Variants in PGBD5 observed in about 807,000 individuals in gnomAD.
The protein encoded by PGBD5 is piggyBac transposable element derived 5.
Under a neutral mutation model 47.9 loss-of-function variants are expected in PGBD5, and 14 were observed. The observed-to-expected ratio is 0.29, with a 90% CI of 0.19 to 0.46. The LOEUF (loss-of-function observed/expected upper bound fraction) is 0.46. PGBD5 is among the 20% of genes least tolerant of loss of function. PGBD5 has a pLI of 1.00. For missense variants in PGBD5, 635 were observed against 716.0 expected, an observed-to-expected ratio of 0.89 and a Z score of 1.29; for synonymous variants, 316 against 306.3, an observed-to-expected ratio of 1.03 and a Z score of -0.33.
intron 1 of PGBD5, among the ~76,000 whole-genome samples, chr1:230,363,895 C>G (rs1246808098): frequency 6.6e-6 from 1 of 152,182 alleles, no homozygotes; most frequent in Non-Finnish European, 1.5e-5. Flanking sequence ...ATGTAGGAAA[C>G]AGCCAATCTC....
chr1:230,377,695 T>C, intron 1 of PGBD5: 1 of 1,444,716 alleles, frequency 6.9e-7, no homozygotes, highest in Non-Finnish European at 9.1e-7. Context: ...ATCTGTAAAA[T>C]GGCAAAGATT....
At chr1:230,388,021 C>A (rs78357096) in intron 1 of PGBD5, among the ~76,000 whole-genome samples, 2 of 152,074 alleles carry the variant, frequency 1.3e-5, no homozygotes, top group Non-Finnish European at 2.9e-5. Context: ...CAGTGATGGA[C>A]GTAACTCAGT....
chr1:230,316,811 G>A lies in PGBD5; in HGVS notation c.*6614C>T, dbSNP rs1380063438. 6.6e-6 allele frequency: 1 copy of A among 152,198 alleles called. No homozygotes were observed. The highest frequency in any genetic ancestry group is 1.5e-5 in the Non-Finnish European group (1 of 68,062). The allele number at this position is 152,198 out of a possible 1,614,324, so 9.4% of individuals were successfully genotyped here. On this transcript the variant is annotated 3_prime_UTR_variant, in exon 7 of 7. Coordinates refer to ENST00000391860, the MANE Select transcript of PGBD5 (RefSeq NM_001258311.2). ...GGAATAAACTTATTCATGTTTAAGA[G>A]CTAGAGCCTTCCTTTTGGCTTGGGC...
intron 1 of PGBD5, chr1:230,368,124 A>ATGG: frequency 5.8e-6 from 8 of 1,367,916 alleles, no homozygotes; most frequent in Non-Finnish European, 7.8e-6. Context: ...GACCACACAG[A>ATGG]TGGTGGTGGT....
chr1:230,352,125 G>A (rs1667568491), intron 2 of PGBD5, among the ~76,000 whole-genome samples: 1 of 152,170 alleles, frequency 6.6e-6, no homozygotes. Context: ...TTACTGCCTA[G>A]TCTGGCCCAC....
chr1:230,399,644 T>G (rs1363374752), intron 1 of PGBD5, among the ~76,000 whole-genome samples: 1 of 152,110 alleles, frequency 6.6e-6, no homozygotes, highest in Non-Finnish European at 1.5e-5. Flanking sequence ...GCTCCCACCG[T>G]CACCAGTCGT....
chr1:230,407,644 T>C (rs1657326045), intron 1 of PGBD5, among the ~76,000 whole-genome samples: 1 of 152,210 alleles, frequency 6.6e-6, no homozygotes. Flanking sequence ...TGATATCTAT[T>C]GTCTCCTCAG....
At chr1:230,401,158 C>T (rs1349191149) in intron 1 of PGBD5, among the ~76,000 whole-genome samples, 4 of 152,214 alleles carry the variant, frequency 2.6e-5, no homozygotes, top group African/African-American at 4.8e-5. Flanking sequence ...GCCGCATTCA[C>T]CATTAGGAGA....
Position 230,317,206 on chromosome 1 carries a change from G to C in PGBD5, c.*6219C>G, listed in dbSNP as rs1316808714. On this transcript the variant is annotated 3_prime_UTR_variant, in exon 7 of 7. Transcript: ENST00000391860. ...TGGCACCCTCAAGGGCACAGACCAC[G>C]TTGGGGTAACACGTGCCCAGTTCTT... The C allele has an allele frequency of 6.6e-6, 1 of 152,256 alleles. No homozygotes were observed. Among genetic ancestry groups the C allele is most frequent in the Non-Finnish European group, 1.5e-5 (1 of 68,068 alleles). The allele number at this position is 152,256 out of a possible 1,614,324, so 9.4% of individuals were successfully genotyped here. A position where few individuals can be genotyped will look rare whatever the true frequency, so the allele number is the denominator to read the frequency against.
rs915969337 is a variant in PGBD5, at chr1:230,358,312, A to G, written c.332-991T>C. ...ATAAGGGGAGGGAGGAGATGCAAAG[A>G]CACGTGGTGTTTCTAACACAGGGGC... is the stretch of plus-strand genomic sequence containing the variant. On this transcript the variant is annotated intron_variant, in intron 1 of 6. Coordinates refer to ENST00000391860, the MANE Select transcript of PGBD5 (RefSeq NM_001258311.2). Among the ~76,000 whole-genome samples, 3 of 152,050 alleles carry G rather than the reference A, an allele frequency of 2.0e-5. 1 individual carries two copies. Among genetic ancestry groups the G allele is most frequent in the African/African-American group, 7.3e-5 (3 of 41,364 alleles).
chr1:230,357,395 T>C lies in PGBD5; in HGVS notation c.332-74A>G, dbSNP rs752083876. The C allele has an allele frequency of 4.0e-6, 6 of 1,507,316 alleles. No homozygotes were observed. Among genetic ancestry groups the C allele is most frequent in the Non-Finnish European group, 4.5e-6 (5 of 1,107,458 alleles). The allele number at this position is 1,507,316 out of a possible 1,614,324, so 93.4% of individuals were successfully genotyped here. A position where few individuals can be genotyped will look rare whatever the true frequency, so the allele number is the denominator to read the frequency against. Reference sequence around the variant, plus strand: ...CTGACTCGACACGAGAACGGCTGCATTTCCAATCCCTGGGTCCCTGGCCGA... The same window carrying C: ...CTGACTCGACACGAGAACGGCTGCACTTCCAATCCCTGGGTCCCTGGCCGA... On this transcript the variant is annotated intron_variant, in intron 1 of 6. Transcript: ENST00000391860. This position sits in a 1 kb window ranked among gnomAD's most constrained non-coding sequence, Gnocchi z 5.7.
chr1:230,368,135 G>A, intron 1 of PGBD5: 1 of 1,367,910 alleles, frequency 7.3e-7, no homozygotes, highest in Non-Finnish European at 9.8e-7. Context: ...TGGTGGTGGT[G>A]AGGAGGAGGC....
chr1:230,413,976 T>C (rs1385155665), intron 1 of PGBD5, among the ~76,000 whole-genome samples: 1 of 152,200 alleles, frequency 6.6e-6, no homozygotes, highest in Non-Finnish European at 1.5e-5. Context: ...CTCAGGGCTG[T>C]TCTACTTCCG....
Position 230,425,683 on chromosome 1 carries a change from T to C in PGBD5, c.246A>G (p.Ala82=). The change falls in exon 1 of 7, where the codon GCA becomes GCG. Residue 82 remains alanine, a synonymous_variant. Transcript: ENST00000391860. This position sits in a 1 kb window ranked among gnomAD's most constrained non-coding sequence, Gnocchi z 4.7. ...CGGCCTCGTCCTCCTCCGGCTCCTG[T>C]GCGTCCGGGGCGCGGGGCGGTGGCG... The part of the protein sequence containing the change: ...AAPPPPRAPD[A]QEPEEDEAGA... The C allele has an allele frequency of 1.6e-6, 2 of 1,217,338 alleles. No homozygotes were observed. Among genetic ancestry groups the C allele is most frequent in the South Asian group, 8.3e-5 (2 of 24,188 alleles). The allele number at this position is 1,217,338 out of a possible 1,614,324, so 75.4% of individuals were successfully genotyped here.
At chr1:230,348,232 G>C (rs941824095) in intron 3 of PGBD5, among the ~76,000 whole-genome samples, 1 of 152,226 alleles carries the variant, frequency 6.6e-6, no homozygotes, top group Non-Finnish European at 1.5e-5. Flanking sequence ...TCATACACTG[G>C]CAGTAGAAGG....
intron 1 of PGBD5, among the ~76,000 whole-genome samples, chr1:230,365,141 A>G (rs2353400): frequency 0.63 from 95,264 of 150,662 alleles, 31,431 homozygotes; most frequent in Non-Finnish European, 0.74. Flanking sequence ...GTGAAACCCC[A>G]TCTCTACTAA....
chr1:230,353,111 A>G (rs1211621422), intron 2 of PGBD5, among the ~76,000 whole-genome samples: 1 of 152,228 alleles, frequency 6.6e-6, no homozygotes, highest in Non-Finnish European at 1.5e-5. Flanking sequence ...TGAATTATGA[A>G]TATGTCATTA....
At chr1:230,390,530 C>G (rs1656758362) in intron 1 of PGBD5, among the ~76,000 whole-genome samples, 1 of 152,128 alleles carries the variant, frequency 6.6e-6, no homozygotes, top group South Asian at 2.1e-4. Context: ...AGGGCAAACT[C>G]AAGTCTAAGG....
At chr1:230,384,799 TAGTTCCCTTC>T in intron 1 of PGBD5, among the ~76,000 whole-genome samples, 1 of 152,172 alleles carries the variant, frequency 6.6e-6, no homozygotes, top group African/African-American at 2.4e-5. Context: ...AATTAAATAT[TAGTTCCCTTC>T]TCTACCTCCC....
Sources: allele counts gnomAD v4.1 joint callset (sites outside exome capture counted in the v4.1 genomes callset), GRCh38; gene constraint gnomAD v4.1.1; non-coding constraint Gnocchi (gnomAD v3.1); transcripts MANE v1.5; gene names NCBI Gene and HGNC (gene_info 2026-07-23, HGNC 2026-07-21).